The following EPHX4 variants were observed in gnomAD, a reference collection of about 807,000 sequenced individuals.
EPHX4 encodes abhydrolase domain containing 7.
Under a neutral mutation model 44.9 loss-of-function variants are expected in EPHX4, and 31 were observed. The observed-to-expected ratio is 0.69, with a 90% CI of 0.52 to 0.93. The LOEUF is 0.93. Among genes scored for constraint, EPHX4 ranks in the 40% least tolerant of loss-of-function variants. The probability of loss-of-function intolerance (pLI) is 0.00; values close to 1 mark genes in which losing one functional copy is unlikely to be tolerated. For missense variants in EPHX4, 373 were observed against 438.1 expected, an observed-to-expected ratio of 0.85 and a Z score of 1.33; for synonymous variants, 151 against 159.7, an observed-to-expected ratio of 0.95 and a Z score of 0.41.
chr1:92,056,791 T>G (rs981969888), intron 6 of EPHX4, among the ~76,000 whole-genome samples: 1 of 152,006 alleles, frequency 6.6e-6, no homozygotes, highest in Admixed American at 6.6e-5. Flanking sequence ...TATTCAAACA[T>G]GTAAAGAATA....
intron 5 of EPHX4, among the ~76,000 whole-genome samples, chr1:92,052,266 G>T (rs1557885478): frequency 6.6e-6 from 1 of 152,138 alleles, no homozygotes; most frequent in Non-Finnish European, 1.5e-5. Flanking sequence ...AAGAAGACAG[G>T]ATGCTTTTTA....
chr1:92,044,319 ATAAT>A (rs1234606619), intron 3 of EPHX4, among the ~76,000 whole-genome samples: 3 of 152,194 alleles, frequency 2.0e-5, no homozygotes, highest in African/African-American at 7.2e-5. Flanking sequence ...AAATTTTGTG[ATAAT>A]TCAGTCAGAC....
At chr1:92,038,883 G>C (rs1688475672) in intron 2 of EPHX4, among the ~76,000 whole-genome samples, 1 of 152,178 alleles carries the variant, frequency 6.6e-6, no homozygotes, top group Non-Finnish European at 1.5e-5. Flanking sequence ...GACTCCCTGG[G>C]CTGGAATCCT....
chr1:92,047,203 GGTT>G (rs768743255), intron 4 of EPHX4, among the ~76,000 whole-genome samples: 175 of 152,138 alleles, frequency 1.2e-3, no homozygotes, highest in Non-Finnish European at 7.6e-4. Context: ...ACTGATGATT[GGTT>G]GTTAGTCATT....
At chr1:92,032,272 A>G (rs1329864273) in intron 1 of EPHX4, among the ~76,000 whole-genome samples, 2 of 152,214 alleles carry the variant, frequency 1.3e-5, no homozygotes, top group Non-Finnish European at 2.9e-5. Context: ...TGAATCTGTC[A>G]ATTTACCCTA....
At chr1:92,046,488 G>A (rs557162603) in intron 4 of EPHX4, among the ~76,000 whole-genome samples, 1 of 152,096 alleles carries the variant, frequency 6.6e-6, no homozygotes, top group South Asian at 2.1e-4. Flanking sequence ...TTTTGAGATG[G>A]AGTCTCGCTC....
Position 92,032,531 on chromosome 1 carries a change from T to G in EPHX4, c.258T>G (p.Val86=), listed in dbSNP as rs1448173060. ...IKDSGLRFHY[V]AAGERGKPLM... is the part of the protein sequence containing the mutation. Reference sequence around the variant, plus strand: ...ATTCAGGGTTAAGATTTCACTATGTTGCTGCTGGAGAAAGAGGCAAACCAC... The same window carrying G: ...ATTCAGGGTTAAGATTTCACTATGTGGCTGCTGGAGAAAGAGGCAAACCAC... The change falls in exon 2 of 7, where the codon GTT becomes GTG. Residue 86 remains valine, a synonymous_variant. Transcript: ENST00000370383. 6.2e-7 allele frequency: 1 copy of G among 1,614,154 alleles called. No homozygotes were observed. Among genetic ancestry groups the G allele is most frequent in the Non-Finnish European group, 8.5e-7 (1 of 1,179,996 alleles).
intron 6 of EPHX4, among the ~76,000 whole-genome samples, chr1:92,055,076 T>A (rs1443455204): frequency 6.6e-6 from 1 of 152,072 alleles, no homozygotes; most frequent in African/African-American, 2.4e-5. Context: ...AAGAAAATGA[T>A]CAGTTAAAAA....
At chr1:92,059,879 C>T (rs1166373731) in intron 6 of EPHX4, among the ~76,000 whole-genome samples, 1 of 146,348 alleles carries the variant, frequency 6.8e-6, no homozygotes, top group African/African-American at 2.5e-5. Context: ...TTCTTTGAGA[C>T]AGGGTCTCAC....
intron 2 of EPHX4, among the ~76,000 whole-genome samples, chr1:92,041,866 C>T (rs1239933974): frequency 1.3e-5 from 2 of 152,038 alleles, no homozygotes; most frequent in African/African-American, 4.8e-5. Flanking sequence ...CATGGAGAAA[C>T]CCTGTCTCTA....
At chr1:92,036,715 T>G (rs1351442656) in intron 2 of EPHX4, among the ~76,000 whole-genome samples, 6 of 152,234 alleles carry the variant, frequency 3.9e-5, no homozygotes, top group Non-Finnish European at 8.8e-5. Flanking sequence ...ATAGCTCAGC[T>G]ACTCAGATAG....
At chr1:92,048,503 T>A (rs972036404) in intron 4 of EPHX4, among the ~76,000 whole-genome samples, 1 of 152,208 alleles carries the variant, frequency 6.6e-6, no homozygotes, top group Non-Finnish European at 1.5e-5. Flanking sequence ...TTCCCCTAAT[T>A]GTATTGTTAT....
intron 2 of EPHX4, among the ~76,000 whole-genome samples, chr1:92,034,143 A>G (rs1290413523): frequency 6.6e-6 from 1 of 150,380 alleles, no homozygotes; most frequent in Non-Finnish European, 1.5e-5. Context: ...ATACAAAAAA[A>G]AAAAAAATTA....
At chr1:92,038,626 C>T (rs151260710) in intron 2 of EPHX4, among the ~76,000 whole-genome samples, 38 of 151,916 alleles carry the variant, frequency 2.5e-4, no homozygotes, top group African/African-American at 6.8e-4. Context: ...AAGGGGCCCA[C>T]GCACCCCAGC....
Position 92,032,561 on chromosome 1 carries a change from G to A in EPHX4, c.288G>A (p.Met96Ile), listed in dbSNP as rs751488831. ...VAAGERGKPL[M>I]LLLHGFPEFW... is the part of the protein sequence containing the mutation. ...CTGGAGAAAGAGGCAAACCACTTAT[G>A]CTGCTGCTTCATGGATTTCCAGAAT... is the stretch of plus-strand genomic sequence containing the variant. Residue 96 changes from methionine (M) to isoleucine (I), a missense_variant, in exon 2 of 7, where the codon ATG becomes ATA. Transcript: ENST00000370383. 6.2e-7 allele frequency: 1 copy of A among 1,613,992 alleles called. No individual in the cohort carries two copies.
Position 92,029,991 on chromosome 1 carries a change from C to A in EPHX4, c.-89C>A. On this transcript the variant is annotated 5_prime_UTR_variant, in exon 1 of 7. Coordinates refer to ENST00000370383, the MANE Select transcript of EPHX4 (RefSeq NM_173567.5). ...GCCCCGGGCCGGGGGAGGCGCGCGTCGAGAGGCGACGGCGGGCTGGCCTGG... is the reference window on the plus strand; with the variant it reads ...GCCCCGGGCCGGGGGAGGCGCGCGTAGAGAGGCGACGGCGGGCTGGCCTGG... 2.2e-6 allele frequency: 2 copies of A among 909,144 alleles called. No individual in the cohort carries two copies. The highest frequency in any genetic ancestry group is 4.8e-5 in the South Asian group (1 of 20,992). The allele number at this position is 909,144 out of a possible 1,614,324, so 56.3% of individuals were successfully genotyped here.
rs147346535 is a variant in EPHX4, at chr1:92,032,123, G to A, written c.232-382G>A. On this transcript the variant is annotated intron_variant, in intron 1 of 6. Coordinates refer to ENST00000370383, the MANE Select transcript of EPHX4 (RefSeq NM_173567.5). ...CTGCAGCATTTGAGGGAGATGAAATGTGACACATCAGTAAGATGAAAGTTA... is the reference window on the plus strand; with the variant it reads ...CTGCAGCATTTGAGGGAGATGAAATATGACACATCAGTAAGATGAAAGTTA... Among the ~76,000 whole-genome samples, 17 of 152,302 alleles carry A rather than the reference G, an allele frequency of 1.1e-4. 1 individual carries two copies. The East Asian group carries it at 3.1e-3, about 28-fold the overall frequency.
At chr1:92,033,542 G>A (rs1440489788) in intron 2 of EPHX4, among the ~76,000 whole-genome samples, 1 of 152,070 alleles carries the variant, frequency 6.6e-6, no homozygotes, top group Non-Finnish European at 1.5e-5. Context: ...GCAGAGTAGA[G>A]CACTTATGGA....
intron 2 of EPHX4, among the ~76,000 whole-genome samples, chr1:92,037,681 G>A (rs1305697125): frequency 6.6e-6 from 1 of 152,164 alleles, no homozygotes; most frequent in Non-Finnish European, 1.5e-5. Flanking sequence ...TGGTAAAGAG[G>A]AGGAGGATAG....
Sources: gnomAD v4.1 joint callset for allele counts (sites outside exome capture counted in the v4.1 genomes callset) on GRCh38, gnomAD v4.1.1 for gene constraint, MANE v1.5 for transcripts, NCBI Gene and HGNC (gene_info 2026-07-23, HGNC 2026-07-21) for gene names.